CEACAM3: variants seen among roughly 807,000 people sequenced by gnomAD.
CEACAM3 encodes the protein CEA cell adhesion molecule 3.
In CEACAM3, 32 loss-of-function variants were observed where a neutral mutation model predicts 30.1. The ratio of observed to expected loss-of-function variants is 1.06; its 90% confidence interval spans 0.80 to 1.43. The LOEUF is 1.43. CEACAM3 is among the 40% of genes most tolerant of loss of function. The probability of loss-of-function intolerance (pLI) is 0.00; values close to 1 mark genes in which losing one functional copy is unlikely to be tolerated. For missense variants in CEACAM3, 290 were observed against 316.3 expected (o/e 0.92, Z 0.63); for synonymous variants, 134 against 127.2 (o/e 1.05, Z -0.36).
chr19:41,803,461 G>GGTT (rs2073170775), intron 2 of CEACAM3, among the ~76,000 whole-genome samples: 4 of 74,090 alleles, frequency 5.4e-5, no homozygotes, highest in South Asian at 5.6e-4. Flanking sequence ...TGTGTGTGTT[G>GGTT]TTTTGTTTGT....
chr19:41,810,050 A>G (rs782354710), intron 4 of CEACAM3, 33 bp downstream of exon 4: 1 of 1,605,696 alleles, frequency 6.2e-7, no homozygotes, highest in Admixed American at 1.7e-5. Flanking sequence ...TGTGGCTGGG[A>G]ACCCCTAGGA....
chr19:41,807,340 G>A (rs868995237), intron 2 of CEACAM3: 89 of 1,606,774 alleles, frequency 5.5e-5, no homozygotes, highest in South Asian at 1.6e-4. Flanking sequence ...GTGAAATACC[G>A]AACCCAGTGG....
chr19:41,806,026 GTTGT>G (rs2073196867), intron 2 of CEACAM3, among the ~76,000 whole-genome samples: 7 of 152,010 alleles, frequency 4.6e-5, no homozygotes, highest in Middle Eastern at 3.4e-3. Flanking sequence ...TGTTGTTGTT[GTTGT>G]TTGTTGTTTG....
chr19:41,801,943 G>A (rs1359209910), intron 2 of CEACAM3, among the ~76,000 whole-genome samples: 1 of 152,216 alleles, frequency 6.6e-6, no homozygotes, highest in African/African-American at 2.4e-5. Context: ...CAAAGAGGAA[G>A]TTAGTTTTAG....
At chr19:41,807,369 C>A in intron 2 of CEACAM3, 5 of 1,604,622 alleles carry the variant, frequency 3.1e-6, no homozygotes, top group Non-Finnish European at 4.3e-6. Flanking sequence ...TACAGTGACC[C>A]AGTCACGCTG....
intron 2 of CEACAM3, among the ~76,000 whole-genome samples, chr19:41,803,490 A>C (rs113578503): frequency 7.1e-6 from 1 of 141,332 alleles, no homozygotes; most frequent in Non-Finnish European, 1.5e-5. Context: ...TTTTTGAGAC[A>C]GAGTCTCGCT....
In CEACAM3 at chr19:41,803,834, C is replaced by A. The variant is rs368454176; in HGVS notation, c.425-4979C>A. Among the ~76,000 whole-genome samples the A allele has an allele frequency of 2.0e-5, 3 of 152,072 alleles. No homozygotes were observed. The South Asian group carries it at 6.2e-4, about 31-fold the overall frequency. ...GTTGTTCATGCTTGTAATCCCTGCACTTTGGGAGGCTGAGGCGGGTGGATC... is the reference window on the plus strand; with the variant it reads ...GTTGTTCATGCTTGTAATCCCTGCAATTTGGGAGGCTGAGGCGGGTGGATC... On this transcript the variant is annotated intron_variant, in intron 2 of 6. Transcript: ENST00000357396.
intron 3 of CEACAM3, chr19:41,809,200 G>A (rs2073228711): frequency 2.8e-6 from 1 of 353,274 alleles, no homozygotes; most frequent in South Asian, 8.2e-5. Context: ...ACAGCTGCCT[G>A]GAGGGAGGGA....
rs1485691271 is a variant in CEACAM3 at position 41,797,585 on chromosome 19, C to T, written c.65-4C>T. 6.2e-7 allele frequency: 1 copy of T among 1,611,230 alleles called. No individual in the cohort carries two copies. Among genetic ancestry groups the T allele is most frequent in the Non-Finnish European group, 8.5e-7 (1 of 1,178,270 alleles). ...AATATTGACTGATGCTTTCTCCCTC[C>T]TAGCCTCACTTCTAAACTTCTGGAA... On this transcript the variant is annotated splice_polypyrimidine_tract_variant and splice_region_variant and intron_variant, in intron 1 of 6. Transcript: ENST00000357396.
chr19:41,798,529 A>G (rs1366827031), intron 2 of CEACAM3, among the ~76,000 whole-genome samples: 1 of 152,238 alleles, frequency 6.6e-6, no homozygotes, highest in Admixed American at 6.5e-5. Flanking sequence ...CTGGGCAAGG[A>G]CAGGGCCTCA....
Position 41,797,935 on chromosome 19 carries a change from G to C in CEACAM3, c.411G>C (p.Gln137His). 6.2e-7 allele frequency: 1 copy of C among 1,604,816 alleles called. No individual in the cohort carries two copies. The highest frequency in any genetic ancestry group is 8.5e-7 in the Non-Finnish European group (1 of 1,175,180). ...TTGTGAATGAAGAAGCAACTGGACA[G>C]TTCCATGTATACCGTGAGTATTTCC... Reference protein sequence around the residue: ...SDLVNEEATGQFHVYQENAPG... With the variant: ...SDLVNEEATGHFHVYQENAPG... The change falls in exon 2 of 7, where the codon CAG becomes CAC. Residue 137 changes from glutamine to histidine, a missense_variant. By Grantham distance (24) the Gln-to-His change is conservative. Transcript: ENST00000357396.
Position 41,811,549 on chromosome 19 carries a change from C to T in CEACAM3, c.*312C>T. 1 of 322,668 alleles carries T rather than the reference C, an allele frequency of 3.1e-6. No individual in the cohort carries two copies. 20.0% of individuals were successfully genotyped at this position (322,668 alleles called of 1,614,324 possible). A position where few individuals can be genotyped will look rare whatever the true frequency, so the allele number is the denominator to read the frequency against. ...AGGATCTGAATAAAGGGGACCCTTC[C>T]TCTCATTAGCTGTTTTTCTGCTAGT... On this transcript the variant is annotated 3_prime_UTR_variant, in exon 7 of 7. Transcript: ENST00000357396.
intron 6 of CEACAM3, 116 bp downstream of exon 6, chr19:41,811,013 G>A: frequency 1.6e-6 from 2 of 1,281,112 alleles, no homozygotes; most frequent in Admixed American, 2.1e-5. Flanking sequence ...ATAAGAACGG[G>A]GGTGGCGAGC....
At chr19:41,802,541 C>T (rs1340066306) in intron 2 of CEACAM3, among the ~76,000 whole-genome samples, 3 of 152,204 alleles carry the variant, frequency 2.0e-5, no homozygotes, top group Non-Finnish European at 2.9e-5. Flanking sequence ...GCTGGAGGCT[C>T]AGCATGGACA....
chr19:41,808,517 CAG>C, intron 2 of CEACAM3, among the ~76,000 whole-genome samples: 1 of 152,302 alleles, frequency 6.6e-6, no homozygotes, highest in East Asian at 1.9e-4. Flanking sequence ...AAAGGAGAAA[CAG>C]AGGGAAGAGG....
rs782712330 is a variant in CEACAM3 at position 41,811,369 on chromosome 19, C to G, written c.*132C>G. On this transcript the variant is annotated 3_prime_UTR_variant, in exon 7 of 7. Coordinates refer to ENST00000357396, the MANE Select transcript of CEACAM3 (RefSeq NM_001815.5). The stretch of plus-strand genomic sequence containing the variant: ...CTGAGAAGACACTGGTGTCTGGGGG[C>G]AGGGAGGGATGGGGGTCCCTGATGA... 4 of 739,384 alleles carry G rather than the reference C, an allele frequency of 5.4e-6. No homozygotes were observed. Among genetic ancestry groups the G allele is most frequent in the Non-Finnish European group, 9.2e-6 (4 of 433,044 alleles). 45.8% of individuals were successfully genotyped at this position (739,384 alleles called of 1,614,324 possible).
chr19:41,807,258 T>C, intron 2 of CEACAM3: 1 of 1,608,918 alleles, frequency 6.2e-7, no homozygotes. Flanking sequence ...AGTTCCAGGC[T>C]GCAGCTGTCC....
chr19:41,810,309 GTC>G lies in CEACAM3; in HGVS notation c.596-10_596-9del, dbSNP rs782545179. The G allele has an allele frequency of 3.7e-5, 59 of 1,603,134 alleles. No homozygotes were observed. In the Middle Eastern group the frequency reaches 4.9e-4, roughly 13 times the overall value. ...TCCTCCCACCCTGCTGCTCACTCCT[GTC>G]TCTGTTTCCAGGCCGTGGTCCCTCC... On this transcript the variant is annotated splice_polypyrimidine_tract_variant and intron_variant, in intron 4 of 6. Coordinates refer to ENST00000357396, the MANE Select transcript of CEACAM3 (RefSeq NM_001815.5).
At chr19:41,808,339 C>A (rs530180352) in intron 2 of CEACAM3, among the ~76,000 whole-genome samples, 4 of 152,324 alleles carry the variant, frequency 2.6e-5, no homozygotes, top group African/African-American at 9.6e-5. Flanking sequence ...GGGGGTGATG[C>A]CCCCTCTCCC....
Sources: allele counts gnomAD v4.1 joint callset (sites outside exome capture counted in the v4.1 genomes callset), GRCh38; gene constraint gnomAD v4.1.1; transcripts MANE v1.5; gene names NCBI Gene and HGNC (gene_info 2026-07-23, HGNC 2026-07-21).